Variants in FABP7 observed in about 807,000 individuals in gnomAD.
FABP7 encodes fatty acid-binding protein, brain.
Under a neutral mutation model 14.2 loss-of-function variants are expected in FABP7, and 13 were observed. That is an observed-to-expected ratio of 0.91 (90% CI 0.59 to 1.45). FABP7 has a LOEUF of 1.45. FABP7 is among the 40% of genes most tolerant of loss of function. The pLI is 0.00. For synonymous variants in FABP7, 49 were observed against 51.4 expected (o/e 0.95, Z 0.20); for missense variants, 149 against 157.6 (o/e 0.95, Z 0.29).
At chr6:122,762,880 T>C in the FABP7 span, among the ~76,000 whole-genome samples, 15 of 152,132 alleles carry the variant, frequency 9.9e-5, no homozygotes, top group Non-Finnish European at 2.1e-4. Flanking sequence ...CACTGCTCAA[T>C]GAAATAAAAG....
chr6:122,749,294 T>C, the FABP7 span, among the ~76,000 whole-genome samples: 4 of 151,548 alleles, frequency 2.6e-5, no homozygotes, highest in Non-Finnish European at 5.9e-5. Flanking sequence ...AGGAGAAGGA[T>C]TGGAGATCTG....
At chr6:122,777,735 A>G (rs1436215082), upstream of FABP7, among the ~76,000 whole-genome samples, 1 of 151,956 alleles carries the variant, frequency 6.6e-6, no homozygotes, top group African/African-American at 2.4e-5. Flanking sequence ...TGTTGTCCCA[A>G]CTACTCAGAG....
upstream of FABP7, among the ~76,000 whole-genome samples, chr6:122,779,108 ACAGT>A (rs758534597): frequency 5.9e-5 from 9 of 152,036 alleles, no homozygotes; most frequent in Non-Finnish European, 4.4e-5. Flanking sequence ...TTCCTCATTG[ACAGT>A]CAGAGTAGCC....
intron 3 of FABP7, chr6:122,782,552 A>G: frequency 1.0e-6 from 1 of 984,964 alleles, no homozygotes; most frequent in South Asian, 4.7e-5. Flanking sequence ...GAGAAATATT[A>G]TGCCTTCACC....
the FABP7 span, among the ~76,000 whole-genome samples, chr6:122,773,486 G>A: frequency 2.0e-5 from 3 of 152,126 alleles, no homozygotes; most frequent in Non-Finnish European, 4.4e-5. Flanking sequence ...ACCACTTTCT[G>A]ATGCCAGGGC....
At chr6:122,756,707 T>C in the FABP7 span, among the ~76,000 whole-genome samples, 1 of 152,186 alleles carries the variant, frequency 6.6e-6, no homozygotes, top group Middle Eastern at 3.2e-3. Context: ...GCCACTCTCC[T>C]CCAGTCTATG....
At chr6:122,782,510 TTATC>T (rs1002724621) in intron 3 of FABP7, 2 of 980,036 alleles carry the variant, frequency 2.0e-6, no homozygotes, top group Non-Finnish European at 2.4e-6. Context: ...AACAAATAAT[TTATC>T]TAATGATGGA....
chr6:122,780,242 G>A (rs773012651), intron 1 of FABP7, 49 bp from the exon 2 acceptor site: 4 of 1,592,244 alleles, frequency 2.5e-6, no homozygotes, highest in Non-Finnish European at 3.4e-6. Flanking sequence ...TGCTTTGTGA[G>A]TTATTTTGGA....
the FABP7 span, among the ~76,000 whole-genome samples, chr6:122,772,488 G>A: frequency 6.6e-6 from 1 of 152,144 alleles, no homozygotes; most frequent in Non-Finnish European, 1.5e-5. Context: ...GGCACAATCA[G>A]CTCACTGCAA....
chr6:122,768,174 T>C, the FABP7 span, among the ~76,000 whole-genome samples: 2 of 152,144 alleles, frequency 1.3e-5, no homozygotes, highest in African/African-American at 4.8e-5. Flanking sequence ...GATGTCATTG[T>C]ATATGCATCT....
At position 122,783,964 on chromosome 6, in the gene FABP7, T is replaced by C. The variant is rs1780858012; in HGVS notation, c.*197T>C. On this transcript the variant is annotated 3_prime_UTR_variant, in exon 4 of 4. Transcript: ENST00000368444. ...TCTGAAAATTTATCATGTTTTATAA[T>C]TTGAATTAAAGTTTTGTCCCCCCCC... 4.7e-6 allele frequency: 2 copies of C among 423,546 alleles called. No individual in the cohort carries two copies. The highest frequency in any genetic ancestry group is 8.1e-6 in the Non-Finnish European group (2 of 245,802). The allele number at this position is 423,546 out of a possible 1,614,324, so 26.2% of individuals were successfully genotyped here.
At chr6:122,751,464 A>G in the FABP7 span, among the ~76,000 whole-genome samples, 1 of 152,192 alleles carries the variant, frequency 6.6e-6, no homozygotes, top group Non-Finnish European at 1.5e-5. Context: ...GCAGGCATCT[A>G]TGCCGAGAAG....
At chr6:122,781,215 A>T in intron 3 of FABP7, 21 bp downstream of exon 3, 1 of 1,612,900 alleles carries the variant, frequency 6.2e-7, no homozygotes, top group East Asian at 2.2e-5. Flanking sequence ...ACAATTCTCC[A>T]TTCTTCCTTG....
rs1231650381 is a variant in FABP7 at position 122,780,391 on chromosome 6, C to G, written c.174C>G (p.Phe58Leu). ...DKVVIRTLST[F>L]KNTEISFQLG... Reference sequence around the variant, plus strand: ...TGGTCATCAGGACTCTCAGCACATTCAAGAACACGGAGATTAGTTTCCAGC... The same window carrying G: ...TGGTCATCAGGACTCTCAGCACATTGAAGAACACGGAGATTAGTTTCCAGC... The change falls in exon 2 of 4, where the codon TTC becomes TTG. Residue 58 changes from phenylalanine (F) to leucine (L), a missense_variant. Transcript: ENST00000368444. 4 of 1,613,950 alleles carry G rather than the reference C, an allele frequency of 2.5e-6. No individual in the cohort carries two copies. The highest frequency in any genetic ancestry group is 3.4e-6 in the Non-Finnish European group (4 of 1,180,016).
chr6:122,771,609 A>C, the FABP7 span, among the ~76,000 whole-genome samples: 1 of 152,136 alleles, frequency 6.6e-6, no homozygotes, highest in African/African-American at 2.4e-5. Flanking sequence ...AAACTCTCCT[A>C]CTCTTGCATT....
the FABP7 span, among the ~76,000 whole-genome samples, chr6:122,769,739 T>C: frequency 6.6e-6 from 1 of 152,046 alleles, no homozygotes; most frequent in Non-Finnish European, 1.5e-5. Flanking sequence ...TGTTAACAAA[T>C]TGAGGAGTAC....
At chr6:122,761,490 T>C in the FABP7 span, among the ~76,000 whole-genome samples, 1 of 152,098 alleles carries the variant, frequency 6.6e-6, no homozygotes, top group South Asian at 2.1e-4. Flanking sequence ...TCTTTCAGAG[T>C]CAAAACAAGA....
At chr6:122,755,670 G>A in the FABP7 span, among the ~76,000 whole-genome samples, 4 of 151,630 alleles carry the variant, frequency 2.6e-5, no homozygotes, top group Admixed American at 2.6e-4. Context: ...TGTTATCCAG[G>A]ATGGCCTTGA....
chr6:122,783,135 A>G, intron 3 of FABP7: 1 of 985,460 alleles, frequency 1.0e-6, no homozygotes, highest in Non-Finnish European at 1.2e-6. Context: ...TAACTCTTCA[A>G]GTTAGATTTG....
Sources: allele counts gnomAD v4.1 joint callset (sites outside exome capture counted in the v4.1 genomes callset), GRCh38; gene constraint gnomAD v4.1.1; transcripts MANE v1.5; gene names NCBI Gene and HGNC (gene_info 2026-07-23, HGNC 2026-07-21).